The following RGS6 variants were observed in gnomAD, a reference collection of about 807,000 sequenced individuals.
The protein encoded by RGS6 is regulator of G-protein signaling 6.
A neutral mutation model predicts 78.5 loss-of-function variants in RGS6; 30 were observed. That is an observed-to-expected ratio of 0.38 (90% confidence interval 0.29 to 0.52). The LOEUF is 0.52. Among genes scored for constraint, RGS6 ranks in the 20% least tolerant of loss-of-function variants. RGS6 has a pLI of 0.85. For synonymous variants in RGS6, 206 were observed against 206.0 expected, an observed-to-expected ratio of 1.00 and a Z score of 0.00; for missense variants, 495 against 609.7, an observed-to-expected ratio of 0.81 and a Z score of 1.98.
chr14:72,583,464 T>C, the RGS6 span, among the ~76,000 whole-genome samples: 3 of 152,368 alleles, frequency 2.0e-5, no homozygotes, highest in African/African-American at 4.8e-5. Context: ...TGTGTCAATA[T>C]GTACTTTGGG....
At chr14:71,968,874 G>A (rs1175864788) in intron 2 of RGS6, among the ~76,000 whole-genome samples, 5 of 152,122 alleles carry the variant, frequency 3.3e-5, no homozygotes, top group Non-Finnish European at 5.9e-5. Flanking sequence ...TGTGCACAAC[G>A]TGCAGGTTTG....
chr14:72,359,741 G>A (rs928200921), intron 3 of RGS6, among the ~76,000 whole-genome samples: 4 of 152,200 alleles, frequency 2.6e-5, no homozygotes, highest in Admixed American at 2.0e-4. Context: ...TAATTTCTTG[G>A]ACACCAATTT....
At chr14:72,197,634 G>A (rs1483691889) in intron 2 of RGS6, among the ~76,000 whole-genome samples, 2 of 152,164 alleles carry the variant, frequency 1.3e-5, no homozygotes, top group Non-Finnish European at 2.9e-5. Flanking sequence ...TTAGGAATCA[G>A]TAATTATTTA....
intron 7 of RGS6, among the ~76,000 whole-genome samples, chr14:72,466,243 G>A (rs139737847): frequency 3.3e-5 from 5 of 152,312 alleles, no homozygotes; most frequent in African/African-American, 1.2e-4. Context: ...CCAAGTGATG[G>A]TGAGGAAGTA....
At chr14:71,995,974 T>G (rs555837497) in intron 2 of RGS6, among the ~76,000 whole-genome samples, 31 of 152,212 alleles carry the variant, frequency 2.0e-4, no homozygotes, top group African/African-American at 7.2e-4. Flanking sequence ...GTTGTTTCGG[T>G]TCCAGTGACC....
At chr14:71,934,616 TTTAA>T (rs758119984) in intron 1 of RGS6, among the ~76,000 whole-genome samples, 1 of 152,220 alleles carries the variant, frequency 6.6e-6, no homozygotes, top group Non-Finnish European at 1.5e-5. Context: ...ATGAGTCCAT[TTTAA>T]TTATTTATTT....
intron 2 of RGS6, among the ~76,000 whole-genome samples, chr14:72,026,305 G>C (rs2089839619): frequency 1.3e-5 from 2 of 152,130 alleles, no homozygotes; most frequent in Non-Finnish European, 2.9e-5. Context: ...TACTGAGGAG[G>C]CTGAGGCAGA....
chr14:72,306,361 T>C (rs1022271444), intron 2 of RGS6, among the ~76,000 whole-genome samples: 25 of 152,234 alleles, frequency 1.6e-4, no homozygotes, highest in African/African-American at 5.8e-4. Flanking sequence ...GCTAACACAA[T>C]ATCCATTCTA....
chr14:72,214,986 G>C (rs908299428), intron 2 of RGS6, among the ~76,000 whole-genome samples: 1 of 152,224 alleles, frequency 6.6e-6, no homozygotes, highest in African/African-American at 2.4e-5. Flanking sequence ...ACCAGAGTTA[G>C]AACTCTGTTA....
chr14:72,410,573 T>C (rs1312611347), intron 3 of RGS6, among the ~76,000 whole-genome samples: 1 of 152,256 alleles, frequency 6.6e-6, no homozygotes, highest in African/African-American at 2.4e-5. Flanking sequence ...TTTAGTTTAA[T>C]TAGATCCCAT....
At chr14:72,313,721 T>A (rs2069263668) in intron 2 of RGS6, among the ~76,000 whole-genome samples, 1 of 152,154 alleles carries the variant, frequency 6.6e-6, no homozygotes, top group South Asian at 2.1e-4. Flanking sequence ...TCATGATACA[T>A]ACAAAGGGGC....
chr14:72,145,641 G>A (rs2096598016), intron 2 of RGS6, among the ~76,000 whole-genome samples: 1 of 152,102 alleles, frequency 6.6e-6, no homozygotes, highest in African/African-American at 2.4e-5. Context: ...ACCACACTGG[G>A]CTAATTTTTT....
At chr14:72,386,018 GC>G (rs113256605) in intron 3 of RGS6, among the ~76,000 whole-genome samples, 4 of 152,060 alleles carry the variant, frequency 2.6e-5, no homozygotes, top group African/African-American at 9.6e-5. Context: ...AAAATTTCAT[GC>G]CCCTGAATGA....
chr14:72,449,976 C>T (rs890682419), intron 3 of RGS6, among the ~76,000 whole-genome samples: 1 of 152,212 alleles, frequency 6.6e-6, no homozygotes, highest in Non-Finnish European at 1.5e-5. Flanking sequence ...TCTTTCTTCT[C>T]TCTGTGCTTT....
At chr14:71,912,104 T>C in the RGS6 span, among the ~76,000 whole-genome samples, 1 of 152,166 alleles carries the variant, frequency 6.6e-6, no homozygotes, top group Admixed American at 6.5e-5. Context: ...CAGTGGTCTC[T>C]TATGTTAGTC....
chr14:72,234,899 T>C (rs537243466), intron 2 of RGS6, among the ~76,000 whole-genome samples: 1 of 152,254 alleles, frequency 6.6e-6, no homozygotes, highest in East Asian at 1.9e-4. Flanking sequence ...TATTGTTCCA[T>C]TTCCAAATTT....
chr14:72,285,066 T>C (rs1240794638), intron 2 of RGS6, among the ~76,000 whole-genome samples: 2 of 152,186 alleles, frequency 1.3e-5, no homozygotes, highest in Non-Finnish European at 2.9e-5. Context: ...GTAACTAACT[T>C]GCTTTTGATT....
chr14:72,546,129 T>G (rs1172840214), intron 17 of RGS6, among the ~76,000 whole-genome samples: 5 of 152,174 alleles, frequency 3.3e-5, no homozygotes, highest in Non-Finnish European at 2.9e-5. Context: ...GCTGTCCTCT[T>G]TTAGCGATGG....
chr14:72,462,870 A>G (rs1273848109), intron 6 of RGS6, among the ~76,000 whole-genome samples: 4 of 152,194 alleles, frequency 2.6e-5, no homozygotes, highest in Non-Finnish European at 5.9e-5. Context: ...TTGGTTCTAA[A>G]AAGTCATCAG....
Sources: gnomAD v4.1 joint callset for allele counts (sites outside exome capture counted in the v4.1 genomes callset) on GRCh38, gnomAD v4.1.1 for gene constraint, MANE v1.5 for transcripts, NCBI Gene and HGNC (gene_info 2026-07-23, HGNC 2026-07-21) for gene names.